CACNB4: variants seen among roughly 807,000 people sequenced by gnomAD.
CACNB4 encodes calcium voltage-gated channel auxiliary subunit beta 4.
A neutral mutation model predicts 71.2 loss-of-function variants in CACNB4; 32 were observed. The observed-to-expected ratio is 0.45, with a 90% CI of 0.34 to 0.60. CACNB4 has a LOEUF of 0.60. Ranked by LOEUF, CACNB4 falls within the 20% of genes least tolerant of loss-of-function variation. The pLI is 0.01. For synonymous variants in CACNB4, 231 were observed against 236.9 expected (o/e 0.97, Z 0.23); for missense variants, 464 against 647.9 (o/e 0.72, Z 3.08).
At chr2:152,068,338 C>G (rs1397258319) in intron 2 of CACNB4, among the ~76,000 whole-genome samples, 3 of 152,134 alleles carry the variant, frequency 2.0e-5, no homozygotes, top group Admixed American at 2.0e-4. Context: ...AAATTTTTGT[C>G]CTTTTTAAGA....
chr2:152,079,725 G>A (rs957258035), intron 2 of CACNB4, among the ~76,000 whole-genome samples: 5 of 152,136 alleles, frequency 3.3e-5, no homozygotes, highest in African/African-American at 4.8e-5. Context: ...GGTTAAGGCC[G>A]CAATGGGCGG....
chr2:151,942,856 G>A (rs183695605), intron 2 of CACNB4, among the ~76,000 whole-genome samples: 18 of 152,228 alleles, frequency 1.2e-4, no homozygotes, highest in East Asian at 1.9e-4. Context: ...CTCTGCTCTC[G>A]AACCCTGTTT....
chr2:151,934,657 T>C (rs2099862473), intron 2 of CACNB4, among the ~76,000 whole-genome samples: 1 of 151,974 alleles, frequency 6.6e-6, no homozygotes, highest in South Asian at 2.1e-4. Flanking sequence ...GCCAACATGG[T>C]GAAACCCCGT....
chr2:152,070,573 A>G (rs192726210), intron 2 of CACNB4, among the ~76,000 whole-genome samples: 48 of 152,236 alleles, frequency 3.2e-4, no homozygotes, highest in African/African-American at 1.0e-3. Flanking sequence ...TTTGTCTTTC[A>G]CATCGATAAT....
chr2:152,059,928 G>T (rs1024393386), intron 2 of CACNB4, among the ~76,000 whole-genome samples: 2 of 152,152 alleles, frequency 1.3e-5, no homozygotes, highest in African/African-American at 4.8e-5. Flanking sequence ...GTTCTCACCA[G>T]ATCTGATGGT....
chr2:152,022,018 T>A (rs1683695296), intron 2 of CACNB4, among the ~76,000 whole-genome samples: 1 of 152,210 alleles, frequency 6.6e-6, no homozygotes, highest in Admixed American at 6.5e-5. Flanking sequence ...TCCAAAGTTG[T>A]ATTAAAAAGC....
intron 2 of CACNB4, among the ~76,000 whole-genome samples, chr2:151,917,949 G>C (rs192518252): frequency 1.3e-3 from 195 of 152,074 alleles, no homozygotes; most frequent in Non-Finnish European, 2.4e-3. Flanking sequence ...GAGAAAGTTG[G>C]CTGGAAACCC....
intron 2 of CACNB4, among the ~76,000 whole-genome samples, chr2:151,943,569 C>T (rs567325048): frequency 7.9e-5 from 12 of 152,010 alleles, no homozygotes; most frequent in African/African-American, 2.9e-4. Flanking sequence ...GGCTTAAAAG[C>T]AGTACAAATA....
chr2:152,010,365 G>A (rs141450357), intron 2 of CACNB4, among the ~76,000 whole-genome samples: 213 of 152,298 alleles, frequency 1.4e-3, no homozygotes, highest in African/African-American at 4.9e-3. Context: ...TAGAAGAGAC[G>A]GGTTTAACGT....
intron 2 of CACNB4, among the ~76,000 whole-genome samples, chr2:151,916,556 T>G (rs1317401790): frequency 1.3e-5 from 2 of 152,218 alleles, no homozygotes; most frequent in Non-Finnish European, 2.9e-5. Context: ...AAATGTTAAA[T>G]CTTATCTTGA....
intron 12 of CACNB4, among the ~76,000 whole-genome samples, chr2:151,846,023 G>C (rs1013890588): frequency 1.3e-5 from 2 of 152,146 alleles, no homozygotes; most frequent in African/African-American, 2.4e-5. Context: ...GGGGAAGAAA[G>C]ACTGAAACTG....
At chr2:151,919,633 T>C (rs533708251) in intron 2 of CACNB4, among the ~76,000 whole-genome samples, 1 of 152,254 alleles carries the variant, frequency 6.6e-6, no homozygotes, top group Non-Finnish European at 1.5e-5. Context: ...CCTCCTCAAA[T>C]GTCTACTTAG....
At chr2:151,869,342 A>T (rs1220572358) in intron 8 of CACNB4, 107 bp from the exon 9 acceptor site, 1 of 655,190 alleles carries the variant, frequency 1.5e-6, no homozygotes, top group Admixed American at 2.6e-5. Flanking sequence ...CCAAGACCTT[A>T]TTGTAGCCAT....
intron 2 of CACNB4, among the ~76,000 whole-genome samples, chr2:151,942,452 A>T (rs1393626695): frequency 6.7e-6 from 1 of 149,104 alleles, no homozygotes; most frequent in Non-Finnish European, 1.5e-5. Context: ...AATTGATTGT[A>T]AAACATGTGT....
intron 2 of CACNB4, among the ~76,000 whole-genome samples, chr2:152,026,964 T>C (rs1684013436): frequency 1.3e-5 from 2 of 151,918 alleles, no homozygotes; most frequent in African/African-American, 4.8e-5. Context: ...TGGAGTGCAG[T>C]GGTGTAATCT....
intron 2 of CACNB4, among the ~76,000 whole-genome samples, chr2:152,077,610 G>T (rs1687106259): frequency 6.6e-6 from 1 of 151,924 alleles, no homozygotes; most frequent in South Asian, 2.1e-4. Context: ...CACACCTGTA[G>T]TCCCAGCTAC....
In CACNB4 at chr2:152,098,186, G is replaced by A. The variant is rs955885083; in HGVS notation, c.147+144C>T. 9.5e-6 allele frequency: 6 copies of A among 632,176 alleles called. No homozygotes were observed. The highest frequency in any genetic ancestry group is 1.8e-5 in the African/African-American group (1 of 54,746). 39.2% of individuals were successfully genotyped at this position (632,176 alleles called of 1,614,324 possible). On this transcript the variant is annotated intron_variant, in intron 2 of 13. Transcript: ENST00000539935. This position sits in a 1 kb window ranked among gnomAD's most constrained non-coding sequence, Gnocchi z 5.3. ...CCCAGGCTAGAGGGAGAGGGACTGAGCCCGAGCACCGGCCGAGGCCGGGAA... is the reference window on the plus strand; with the variant it reads ...CCCAGGCTAGAGGGAGAGGGACTGAACCCGAGCACCGGCCGAGGCCGGGAA...
chr2:152,001,354 C>T (rs1198949675), intron 2 of CACNB4, among the ~76,000 whole-genome samples: 2 of 151,364 alleles, frequency 1.3e-5, no homozygotes, highest in African/African-American at 2.4e-5. Context: ...GTGTATGTAC[C>T]TGAATAAAAC....
intron 2 of CACNB4, among the ~76,000 whole-genome samples, chr2:151,904,563 G>A (rs928965342): frequency 6.8e-6 from 1 of 146,380 alleles, no homozygotes; most frequent in Non-Finnish European, 1.5e-5. Flanking sequence ...TTGAGACGGA[G>A]TCTCACTGTT....
Sources: gnomAD v4.1 joint callset for allele counts (sites outside exome capture counted in the v4.1 genomes callset) on GRCh38, gnomAD v4.1.1 for gene constraint, Gnocchi (gnomAD v3.1) non-coding constraint, MANE v1.5 for transcripts, NCBI Gene and HGNC (gene_info 2026-07-23, HGNC 2026-07-21) for gene names.